GMDS: variants seen among roughly 807,000 people sequenced by gnomAD.
GMDS encodes the protein GDP-mannose 4,6-dehydratase.
Under a neutral mutation model 49.9 loss-of-function variants are expected in GMDS, and 20 were observed. The observed-to-expected ratio is 0.40, with a 90% confidence interval of 0.28 to 0.58. GMDS has a LOEUF of 0.58. GMDS is among the 20% of genes least tolerant of loss of function. The pLI is 0.42. For missense variants in GMDS, 362 were observed against 481.4 expected (o/e 0.75, Z 2.32); for synonymous variants, 177 against 178.6 (o/e 0.99, Z 0.07).
intron 1 of GMDS, among the ~76,000 whole-genome samples, chr6:2,175,657 G>A (rs1581751872): frequency 1.3e-5 from 2 of 152,288 alleles, no homozygotes; most frequent in South Asian, 4.1e-4. Context: ...ACAGAACAGA[G>A]CTCCTGAGAA....
chr6:1,747,367 G>A (rs1179821770), intron 7 of GMDS, among the ~76,000 whole-genome samples: 1 of 152,120 alleles, frequency 6.6e-6, no homozygotes, highest in Non-Finnish European at 1.5e-5. Context: ...ATTTGTTAAT[G>A]AAGGTTATGT....
chr6:1,670,801 G>A (rs1390844059), intron 9 of GMDS, among the ~76,000 whole-genome samples: 2 of 152,202 alleles, frequency 1.3e-5, no homozygotes, highest in Admixed American at 1.3e-4. Context: ...GAAGTCATCT[G>A]CAGGTCAAAC....
Position 2,059,158 on chromosome 6 carries a change from A to G in GMDS, c.345+56613T>C, listed in dbSNP as rs186779225. Among the ~76,000 whole-genome samples, 18 of 131,254 alleles carry G rather than the reference A, an allele frequency of 1.4e-4. 1 individual carries two copies. The highest frequency in any genetic ancestry group is 4.9e-4 in the African/African-American group (17 of 34,456). 86.1% of individuals were successfully genotyped at this position (131,254 alleles called of 152,430 possible). Reference sequence around the variant, plus strand: ...GCCTCTGCACTCCAGCCTGGGCGACAGAGTGATCCTCTGTCTCAAAAAAAA... The same window carrying G: ...GCCTCTGCACTCCAGCCTGGGCGACGGAGTGATCCTCTGTCTCAAAAAAAA... On this transcript the variant is annotated intron_variant, in intron 4 of 10. Transcript: ENST00000380815.
intron 9 of GMDS, among the ~76,000 whole-genome samples, chr6:1,724,188 G>A (rs749226348): frequency 1.2e-4 from 18 of 152,230 alleles, no homozygotes; most frequent in Non-Finnish European, 2.6e-4. Flanking sequence ...AAATTGGACA[G>A]TAAAGGGAAG....
intron 1 of GMDS, among the ~76,000 whole-genome samples, chr6:2,186,135 A>C (rs1199361418): frequency 9.9e-5 from 15 of 152,220 alleles, no homozygotes; most frequent in Admixed American, 9.8e-4. Flanking sequence ...CTAGGAACCA[A>C]TGAAATTTGC....
At chr6:1,876,804 T>A (rs1759091476) in intron 7 of GMDS, among the ~76,000 whole-genome samples, 1 of 152,230 alleles carries the variant, frequency 6.6e-6, no homozygotes, top group South Asian at 2.1e-4. Flanking sequence ...TCCTTTTTGA[T>A]TTCTAGTAAA....
chr6:1,707,647 G>A (rs958529840), intron 9 of GMDS, among the ~76,000 whole-genome samples: 5 of 151,626 alleles, frequency 3.3e-5, no homozygotes, highest in Non-Finnish European at 1.5e-5. Context: ...GGCCTGGGAG[G>A]AGCTCCCCAC....
chr6:1,986,994 ACCAGTAGTTGAG>A (rs1765589242), intron 4 of GMDS, among the ~76,000 whole-genome samples: 1 of 152,140 alleles, frequency 6.6e-6, no homozygotes, highest in African/African-American at 2.4e-5. Flanking sequence ...AGCACAATAA[ACCAGTAGTTGAG>A]CCAGAAGAGG....
At chr6:1,976,181 G>A (rs1416803477) in intron 4 of GMDS, among the ~76,000 whole-genome samples, 1 of 143,240 alleles carries the variant, frequency 7.0e-6, no homozygotes, top group African/African-American at 2.5e-5. Flanking sequence ...CAGAAGACCT[G>A]AATGAGGGTA....
At chr6:2,098,378 T>C (rs1773732072) in intron 4 of GMDS, among the ~76,000 whole-genome samples, 1 of 152,222 alleles carries the variant, frequency 6.6e-6, no homozygotes, top group African/African-American at 2.4e-5. Flanking sequence ...TTTTTATAAT[T>C]ACTCTTCAAA....
In GMDS at chr6:1,742,544, C is replaced by T. The variant is rs370302189; in HGVS notation, c.814G>A (p.Val272Ile). 10 of 1,611,906 alleles carry T rather than the reference C, an allele frequency of 6.2e-6. No individual in the cohort carries two copies. Among genetic ancestry groups the T allele is most frequent in the Middle Eastern group, 1.7e-4 (1 of 6,056 alleles). ...CTATGGACCTCCCCAGTAGCTATAACGAAGTCCTCCGGCTCATCATTCTGC... is the reference window on the plus strand; with the variant it reads ...CTATGGACCTCCCCAGTAGCTATAATGAAGTCCTCCGGCTCATCATTCTGC... ...MLQNDEPEDFVIATGEVHSVR... is the reference protein window; with the variant it reads ...MLQNDEPEDFIIATGEVHSVR... Residue 272 changes from valine to isoleucine, a missense_variant, in exon 8 of 11, where the codon GTT becomes ATT. Coordinates refer to ENST00000380815, the MANE Select transcript of GMDS (RefSeq NM_001500.4).
chr6:1,703,236 T>C (rs985889581), intron 9 of GMDS, among the ~76,000 whole-genome samples: 6 of 152,108 alleles, frequency 3.9e-5, no homozygotes, highest in Non-Finnish European at 8.8e-5. Context: ...CACTTTGTTC[T>C]CTCTCTCTGC....
intron 1 of GMDS, among the ~76,000 whole-genome samples, chr6:2,159,506 CTTTTTTTCTTTTTTTTTTT>C (rs1777278650): frequency 7.4e-6 from 1 of 134,946 alleles, no homozygotes; most frequent in Admixed American, 7.3e-5. Context: ...TTCAATATTT[CTTTTTTTCTTTTTTTTTTT>C]TTTTTTTTTT....
At chr6:2,095,097 G>A (rs761503827) in intron 4 of GMDS, among the ~76,000 whole-genome samples, 2 of 152,158 alleles carry the variant, frequency 1.3e-5, no homozygotes, top group Admixed American at 6.5e-5. Flanking sequence ...ACAGAATGCC[G>A]TACATATTCT....
intron 4 of GMDS, among the ~76,000 whole-genome samples, chr6:2,104,965 A>G (rs976844282): frequency 1.2e-4 from 18 of 151,978 alleles, no homozygotes; most frequent in Admixed American, 2.6e-4. Flanking sequence ...GGCAGATCAC[A>G]AAGTCAGGAG....
At chr6:1,660,856 C>T (rs1764048399) in intron 9 of GMDS, among the ~76,000 whole-genome samples, 1 of 150,136 alleles carries the variant, frequency 6.7e-6, no homozygotes, top group Non-Finnish European at 1.5e-5. Flanking sequence ...TAGAAGACAA[C>T]CATGGTAGTA....
intron 1 of GMDS, among the ~76,000 whole-genome samples, chr6:2,181,591 C>G (rs1405253165): frequency 6.6e-6 from 1 of 152,132 alleles, no homozygotes; most frequent in Non-Finnish European, 1.5e-5. Flanking sequence ...TTTGATAATT[C>G]TCACAGTATT....
At chr6:2,075,106 G>C (rs895374994) in intron 4 of GMDS, among the ~76,000 whole-genome samples, 8 of 151,990 alleles carry the variant, frequency 5.3e-5, no homozygotes, top group Non-Finnish European at 8.8e-5. Context: ...TTTTGCTCAG[G>C]ATTTCTTTGG....
At chr6:2,190,558 C>A (rs1395074166) in intron 1 of GMDS, among the ~76,000 whole-genome samples, 1 of 152,184 alleles carries the variant, frequency 6.6e-6, no homozygotes, top group Non-Finnish European at 1.5e-5. Context: ...TCGGACAGGA[C>A]CCCAAGAGGC....
Sources: allele counts gnomAD v4.1 joint callset (sites outside exome capture counted in the v4.1 genomes callset), GRCh38; gene constraint gnomAD v4.1.1; transcripts MANE v1.5; gene names NCBI Gene and HGNC (gene_info 2026-07-23, HGNC 2026-07-21).